The following TRIM54 variants were observed in gnomAD, a reference collection of about 807,000 sequenced individuals.
TRIM54 encodes the protein tripartite motif containing 54.
A neutral mutation model predicts 42.0 loss-of-function variants in TRIM54; 40 were observed. The observed-to-expected ratio is 0.95, with a 90% CI of 0.74 to 1.24. The LOEUF (loss-of-function observed/expected upper bound fraction) is 1.24. Ranked by LOEUF, TRIM54 falls within the 50% of genes most tolerant of loss-of-function variation. The pLI, the probability that TRIM54 is intolerant of heterozygous loss-of-function variation, is 0.00. For synonymous variants in TRIM54, 199 were observed against 194.9 expected, an observed-to-expected ratio of 1.02 and a Z score of -0.17; for missense variants, 485 against 480.3, an observed-to-expected ratio of 1.01 and a Z score of -0.09.
In TRIM54 at chr2:27,307,268, C is replaced by T; in HGVS notation, c.*383C>T. 1 of 597,236 alleles carries T rather than the reference C, an allele frequency of 1.7e-6. No homozygotes were observed. The highest frequency in any genetic ancestry group is 3.2e-5 in the Admixed American group (1 of 31,014). 37.0% of individuals were successfully genotyped at this position (597,236 alleles called of 1,614,324 possible). On this transcript the variant is annotated 3_prime_UTR_variant, in exon 9 of 9. Transcript: ENST00000380075. The surrounding 1 kb of genome is among the most constrained non-coding windows in gnomAD (Gnocchi z 6.9). ...ACCCTTGGGGTCCACATGCACCTGG[C>T]TGACCTGGCTGAAAGCCGCTGTCTC... is the stretch of plus-strand genomic sequence containing the variant.
chr2:27,302,178 C>T (rs550060399), intron 3 of TRIM54, among the ~76,000 whole-genome samples: 6 of 151,722 alleles, frequency 4.0e-5, no homozygotes, highest in African/African-American at 9.7e-5. Context: ...AGGCCAGGCG[C>T]GGTGGCTCAC....
chr2:27,289,366 G>T (rs1184791960), intron 1 of TRIM54, among the ~76,000 whole-genome samples: 1 of 152,138 alleles, frequency 6.6e-6, no homozygotes, highest in Non-Finnish European at 1.5e-5. Context: ...GCCAAGGCTG[G>T]AGTGCAATGG....
At chr2:27,285,458 T>A (rs568756874) in intron 1 of TRIM54, among the ~76,000 whole-genome samples, 1 of 152,304 alleles carries the variant, frequency 6.6e-6, no homozygotes, top group East Asian at 1.9e-4. Context: ...TCACTTAGAA[T>A]TTGTAACATG....
intron 1 of TRIM54, among the ~76,000 whole-genome samples, chr2:27,290,233 A>C (rs1678682513): frequency 6.6e-6 from 1 of 152,224 alleles, no homozygotes; most frequent in Non-Finnish European, 1.5e-5. Context: ...AGAGGGGACA[A>C]TAATGAAGAA....
At chr2:27,292,883 C>T (rs948707281) in intron 1 of TRIM54, among the ~76,000 whole-genome samples, 2 of 152,194 alleles carry the variant, frequency 1.3e-5, no homozygotes, top group African/African-American at 2.4e-5. Context: ...TTACTTTTAG[C>T]TGATAATTTC....
chr2:27,305,709 C>T lies in TRIM54; in HGVS notation c.735C>T (p.Arg245=), dbSNP rs774119312. 12 of 1,612,402 alleles carry T rather than the reference C, an allele frequency of 7.4e-6. No individual in the cohort carries two copies. The highest frequency in any genetic ancestry group is 2.2e-5 in the East Asian group (1 of 44,842). Residue 245 remains arginine (R), a synonymous_variant, in exon 5 of 9, where the codon CGC becomes CGT. Coordinates refer to ENST00000380075, the MANE Select transcript of TRIM54 (RefSeq NM_187841.3). ...GGGAGCAAGAGGAGAAGCTGCAGCG[C>T]GTCCGCGGCCTCATCCGTCAGTATG... is the stretch of plus-strand genomic sequence containing the variant. ...LAREQEEKLQ[R]VRGLIRQYGD...
chr2:27,305,263 T>G, intron 4 of TRIM54: 1 of 599,094 alleles, frequency 1.7e-6, no homozygotes, highest in South Asian at 2.0e-5. Flanking sequence ...AACTTCTCTG[T>G]GCTTTGGTTT....
Position 27,306,394 on chromosome 2 carries a change from G to C in TRIM54, c.991+57G>C. 2 of 1,613,390 alleles carry C rather than the reference G, an allele frequency of 1.2e-6. No individual in the cohort carries two copies. The highest frequency in any genetic ancestry group is 1.7e-6 in the Non-Finnish European group (2 of 1,179,676). On this transcript the variant is annotated intron_variant, in intron 7 of 8. Coordinates refer to ENST00000380075, the MANE Select transcript of TRIM54 (RefSeq NM_187841.3). The surrounding 1 kb of genome is among the most constrained non-coding windows in gnomAD (Gnocchi z 6.1). ...GGTTCGGACCCTCTGTGTGGGGGGT[G>C]CGGCGGGCACGATGGCCGTAAAGGC...
At position 27,298,710 on chromosome 2, in the gene TRIM54, T is replaced by C. The variant is rs1678939672; in HGVS notation, c.312T>C (p.Ile104=). The C allele has an allele frequency of 6.2e-7, 1 of 1,613,896 alleles. No homozygotes were observed. Residue 104 remains isoleucine, a synonymous_variant, in exon 2 of 9, where the codon ATT becomes ATC. Coordinates refer to ENST00000380075, the MANE Select transcript of TRIM54 (RefSeq NM_187841.3). ...AGCGAAACCTGCTAGTGGAGAACAT[T>C]ATCGACATTTACAAGCAGGAGTCAT... ...GLQRNLLVEN[I]IDIYKQESSR... is the part of the protein sequence containing the mutation.
intron 1 of TRIM54, among the ~76,000 whole-genome samples, chr2:27,294,169 C>T (rs1678802376): frequency 6.6e-6 from 1 of 152,066 alleles, no homozygotes; most frequent in Non-Finnish European, 1.5e-5. Context: ...CCCTCTGTCA[C>T]CCATGCTGTA....
At chr2:27,298,517 T>G in intron 1 of TRIM54, 50 bp from the exon 2 acceptor site, 1 of 1,516,388 alleles carries the variant, frequency 6.6e-7, no homozygotes, top group Non-Finnish European at 9.1e-7. Flanking sequence ...CTCCTCCGAG[T>G]CCCTTCATGC....
rs201705430 is a variant in TRIM54 at position 27,306,338 on chromosome 2, G to C, written c.991+1G>C. 1.6e-5 allele frequency: 26 copies of C among 1,614,102 alleles called. No individual in the cohort carries two copies. The East Asian group carries it at 5.8e-4, about 36-fold the overall frequency. On this transcript the variant is annotated splice_donor_variant, in intron 7 of 8. Transcript: ENST00000380075. LOFTEE classifies it high-confidence loss of function. The surrounding 1 kb of genome is among the most constrained non-coding windows in gnomAD (Gnocchi z 6.1). The stretch of plus-strand genomic sequence containing the variant: ...CTGCGGACCATCGACTTCCAGCCAG[G>C]TGAAGGAGGTGGCCGAGGGCCGCTG...
Position 27,306,716 on chromosome 2 carries a change from C to T in TRIM54, c.*2-171C>T, listed in dbSNP as rs1291937365. Among the ~76,000 whole-genome samples the T allele has an allele frequency of 6.6e-6, 1 of 152,200 alleles. No individual in the cohort carries two copies. The highest frequency in any genetic ancestry group is 1.5e-5 in the Non-Finnish European group (1 of 68,022). On this transcript the variant is annotated intron_variant, in intron 8 of 8. Transcript: ENST00000380075. This position sits in a 1 kb window ranked among gnomAD's most constrained non-coding sequence, Gnocchi z 6.1. ...AGCCACAAAGGCGCGCCCCCTAGGG[C>T]GGAAAAGTACACTTTCCTCCTCACC... is the stretch of plus-strand genomic sequence containing the variant.
chr2:27,299,101 G>A, intron 2 of TRIM54, 144 bp from the exon 3 acceptor site: 2 of 888,048 alleles, frequency 2.3e-6, no homozygotes, highest in Non-Finnish European at 3.4e-6. Context: ...CAAATTCAGA[G>A]CTCTGTGGAA....
intron 5 of TRIM54, 96 bp downstream of exon 5, chr2:27,305,913 C>T: frequency 7.3e-7 from 1 of 1,365,516 alleles, no homozygotes; most frequent in South Asian, 1.3e-5. Flanking sequence ...CTTGCACCTG[C>T]TTGCCCCTAC....
In TRIM54 at chr2:27,299,259, A is replaced by G. The variant is rs759005824; in HGVS notation, c.356A>G (p.Lys119Arg). The G allele has an allele frequency of 1.8e-5, 29 of 1,614,042 alleles. No individual in the cohort carries two copies. Among genetic ancestry groups the G allele is most frequent in the Non-Finnish European group, 2.5e-5 (29 of 1,180,036 alleles). The change falls in exon 3 of 9, where the codon AAG (lysine) becomes AGG (arginine). Residue 119 changes from lysine to arginine, a missense_variant. Transcript: ENST00000380075. The stretch of plus-strand genomic sequence containing the variant: ...CTCCTCTCTAGGCCGCTGCACTCCA[A>G]GGCTGAGCAGCACCTCATGTGCGAG... ...KQESSRPLHS[K>R]AEQHLMCEEH...
Position 27,298,692 on chromosome 2 carries a change from C to A in TRIM54, c.294C>A (p.Asn98Lys), listed in dbSNP as rs570112680. The A allele has an allele frequency of 5.0e-6, 8 of 1,614,162 alleles. No homozygotes were observed. In the South Asian group the frequency reaches 8.8e-5, roughly 18 times the overall value. Reference protein sequence around the residue: ...DRHGVYGLQRNLLVENIIDIY... With the variant: ...DRHGVYGLQRKLLVENIIDIY... ...ACGGTGTCTACGGCCTGCAGCGAAA[C>A]CTGCTAGTGGAGAACATTATCGACA... The change falls in exon 2 of 9, where the codon AAC (asparagine) becomes AAA (lysine). Residue 98 changes from asparagine to lysine, a missense_variant. Coordinates refer to ENST00000380075, the MANE Select transcript of TRIM54 (RefSeq NM_187841.3).
Position 27,306,461 on chromosome 2 carries a change from T to G in TRIM54, c.997T>G (p.Ser333Ala). 2.5e-6 allele frequency: 4 copies of G among 1,597,722 alleles called. No individual in the cohort carries two copies. The highest frequency in any genetic ancestry group is 3.4e-6 in the Non-Finnish European group (4 of 1,171,988). ...LRTIDFQPGA[S>A]GEEEEVAPDG... is the part of the protein sequence containing the mutation. ...CAGGCCTTCCTTGGGCTCAGGCGCTTCCGGGGAGGAAGAGGAGGTGGCCCC... is the reference window on the plus strand; with the variant it reads ...CAGGCCTTCCTTGGGCTCAGGCGCTGCCGGGGAGGAAGAGGAGGTGGCCCC... Residue 333 changes from serine to alanine, a missense_variant, in exon 8 of 9, where the codon TCC becomes GCC. Physicochemically the swap from Ser to Ala is moderately conservative, Grantham distance 99. Coordinates refer to ENST00000380075, the MANE Select transcript of TRIM54 (RefSeq NM_187841.3). This position sits in a 1 kb window ranked among gnomAD's most constrained non-coding sequence, Gnocchi z 6.1.
chr2:27,302,467 C>T (rs1679062675), intron 3 of TRIM54, among the ~76,000 whole-genome samples: 2 of 149,304 alleles, frequency 1.3e-5, no homozygotes, highest in African/African-American at 4.9e-5. Flanking sequence ...AATAATAATA[C>T]CTAAAATAAA....
Sources: allele counts gnomAD v4.1 joint callset (sites outside exome capture counted in the v4.1 genomes callset), GRCh38; gene constraint gnomAD v4.1.1; non-coding constraint Gnocchi (gnomAD v3.1); transcripts MANE v1.5; gene names NCBI Gene and HGNC (gene_info 2026-07-23, HGNC 2026-07-21).